RASSF1: variants seen among roughly 807,000 people sequenced by gnomAD.
RASSF1 encodes the protein ras association domain-containing protein 1.
Under a neutral mutation model 34.3 loss-of-function variants are expected in RASSF1, and 33 were observed. The observed-to-expected ratio is 0.96, with a 90% confidence interval of 0.73 to 1.29. The LOEUF is 1.29. RASSF1 is among the 50% of genes most tolerant of loss of function. RASSF1 has a pLI of 0.00. For missense variants in RASSF1, 445 were observed against 471.8 expected (o/e 0.94, Z 0.53); for synonymous variants, 191 against 195.0 (o/e 0.98, Z 0.17).
intron 2 of RASSF1, among the ~76,000 whole-genome samples, chr3:50,335,359 C>T (rs1447886558): frequency 6.9e-6 from 1 of 145,930 alleles, no homozygotes; most frequent in Non-Finnish European, 1.5e-5. Flanking sequence ...CTCTCTCATC[C>T]AGGCTGGAAT....
At chr3:50,331,951 C>T (rs1005946862) in intron 3 of RASSF1, 95 bp from the exon 4 acceptor site, 22 of 1,554,352 alleles carry the variant, frequency 1.4e-5, no homozygotes, top group Admixed American at 3.5e-5. Flanking sequence ...TTACTGCTTG[C>T]GCCCACCCAA....
At chr3:50,337,175 G>A in intron 2 of RASSF1, 1 of 1,610,078 alleles carries the variant, frequency 6.2e-7, no homozygotes, top group East Asian at 2.2e-5. Context: ...GCTCCCACCT[G>A]GTCCCGGCGC....
At chr3:50,336,806 G>A (rs1703153651) in intron 2 of RASSF1, 1 of 248,432 alleles carries the variant, frequency 4.0e-6, no homozygotes, top group African/African-American at 2.3e-5. Flanking sequence ...TCCTCCCCTA[G>A]TCTCCCCAAG....
In RASSF1 at chr3:50,338,537, T is replaced by C. The variant is rs587621338; in HGVS notation, c.251-526A>G. 2.6e-3 allele frequency among the ~76,000 whole-genome samples: 399 copies of C among 152,244 alleles called. 2 individuals carry two copies. The highest frequency in any genetic ancestry group is 9.2e-3 in the African/African-American group (383 of 41,544). On this transcript the variant is annotated intron_variant, in intron 1 of 5. Transcript: ENST00000359365. ...TCAGGTGATCCACCCGCCTCGGCCTTCCAAAGTGCTGGGACTACAGGCTTG... is the reference window on the plus strand; with the variant it reads ...TCAGGTGATCCACCCGCCTCGGCCTCCCAAAGTGCTGGGACTACAGGCTTG...
chr3:50,337,064 G>T, intron 2 of RASSF1: 1 of 1,351,576 alleles, frequency 7.4e-7, no homozygotes, highest in Non-Finnish European at 9.7e-7. Flanking sequence ...GAGCCACGTA[G>T]CCAGGAGGGT....
At chr3:50,340,073 T>G (rs1259459094) in intron 1 of RASSF1, among the ~76,000 whole-genome samples, 1 of 152,170 alleles carries the variant, frequency 6.6e-6, no homozygotes, top group African/African-American at 2.4e-5. Context: ...TCTGATTCAC[T>G]GGGTCAGAAA....
At chr3:50,338,293 A>C in intron 1 of RASSF1, 4 of 1,056,154 alleles carry the variant, frequency 3.8e-6, no homozygotes, top group East Asian at 4.3e-5. Flanking sequence ...AAAAACAACA[A>C]CAAAAAACTG....
chr3:50,338,065 C>G (rs1703230218), intron 1 of RASSF1, 54 bp from the exon 2 acceptor site: 9 of 1,540,132 alleles, frequency 5.8e-6, no homozygotes, highest in African/African-American at 4.1e-5. Context: ...GGAAATGTCC[C>G]GGAGATTGAA....
chr3:50,331,937 C>T (rs1702961120), intron 3 of RASSF1, 81 bp from the exon 4 acceptor site: 1 of 1,556,376 alleles, frequency 6.4e-7, no homozygotes, highest in Admixed American at 1.8e-5. Flanking sequence ...TGGGTATGCA[C>T]AAATTACTGC....
In RASSF1 at chr3:50,331,801, G is replaced by A. The variant is rs753247602; in HGVS notation, c.518C>T (p.Pro173Leu). Residue 173 changes from proline (P) to leucine (L), a missense_variant, in exon 4 of 6, where the codon CCT (proline) becomes CTT (leucine). Pro to Leu is a moderately conservative substitution (Grantham distance 98, BLOSUM62 -3). Transcript: ENST00000359365. ...CTTCTTGCTGGAGGGCACAGAGACA[G>A]GGCGCACCAGCTTCAGCTGAACCTT... ...FIKVQLKLVR[P>L]VSVPSSKKPP... 6.3e-7 allele frequency: 1 copy of A among 1,596,758 alleles called. No individual in the cohort carries two copies. Among genetic ancestry groups the A allele is most frequent in the Admixed American group, 1.7e-5 (1 of 59,078 alleles).
rs1201647345 is a variant in RASSF1, at chr3:50,340,566, C to G, written c.240G>C (p.Leu80=). ...GGGGCCACTACTCACGCGCGCACTG[C>G]AGGCCTTTGCGCACGACGCCCCAGA... ...DFIWGVVRKG[L]QCAHCKFTCH... The change falls in exon 1 of 6, where the codon CTG becomes CTC. Residue 80 remains leucine, a synonymous_variant. Transcript: ENST00000359365. 1 of 1,540,794 alleles carries G rather than the reference C, an allele frequency of 6.5e-7. No homozygotes were observed. The highest frequency in any genetic ancestry group is 8.7e-7 in the Non-Finnish European group (1 of 1,154,918).
At position 50,330,563 on chromosome 3, in the gene RASSF1, A is replaced by T; in HGVS notation, c.*18T>A. 6.2e-7 allele frequency: 1 copy of T among 1,613,338 alleles called. No individual in the cohort carries two copies. Among genetic ancestry groups the T allele is most frequent in the South Asian group, 1.1e-5 (1 of 91,054 alleles). ...TGGCGCTGCCTGCTGTCTGCCTTCC[A>T]CCTGGGGGTACAAGAGGTCACCCAA... On this transcript the variant is annotated 3_prime_UTR_variant, in exon 6 of 6. Coordinates refer to ENST00000359365, the MANE Select transcript of RASSF1 (RefSeq NM_007182.5). This position sits in a 1 kb window ranked among gnomAD's most constrained non-coding sequence, Gnocchi z 4.5.
Position 50,340,610 on chromosome 3 carries a change from C to T in RASSF1, c.196G>A (p.Asp66Asn). The T allele has an allele frequency of 1.3e-6, 2 of 1,542,334 alleles. No individual in the cohort carries two copies. The highest frequency in any genetic ancestry group is 1.7e-6 in the Non-Finnish European group (2 of 1,154,392). The stretch of plus-strand genomic sequence containing the variant: ...CCCCAGATGAAGTCGCCACAGAGGT[C>T]GCACCACGTGTGCGTGGCGGGCCCC... ...PAGPATHTWC[D>N]LCGDFIWGVV... The change falls in exon 1 of 6, where the codon GAC becomes AAC. Residue 66 changes from aspartate to asparagine, a missense_variant. Transcript: ENST00000359365.
rs1046731070 is a variant in RASSF1 at position 50,337,962 on chromosome 3, G to A, written c.300C>T (p.Asp100=). Residue 100 remains aspartate (D), a synonymous_variant, in exon 2 of 6, where the codon GAC becomes GAT. Coordinates refer to ENST00000359365, the MANE Select transcript of RASSF1 (RefSeq NM_007182.5). ...HYRCRALVCL[D]CCGPRDLGWE... ...AGCCCAGGTCCCGGGGCCCGCAACA[G>A]TCCAGGCAGACGAGCGCGCGGCAGC... is the stretch of plus-strand genomic sequence containing the variant. 2.5e-6 allele frequency: 4 copies of A among 1,610,984 alleles called. No individual in the cohort carries two copies. Among genetic ancestry groups the A allele is most frequent in the Non-Finnish European group, 2.5e-6 (3 of 1,178,834 alleles).
rs375827524 is a variant in RASSF1, at chr3:50,331,577, C to T, written c.742G>A (p.Ala248Thr). The change falls in exon 4 of 6, where the codon GCT becomes ACT. Residue 248 changes from alanine to threonine, a missense_variant. Transcript: ENST00000359365. ...AGCCCACCTTGGCCGTGACGCTCAG[C>T]GCGCTCAAAGAGTGCAAACTTGCGG... ...DPRKFALFER[A>T]ERHGQVYLRK... 21 of 1,594,078 alleles carry T rather than the reference C, an allele frequency of 1.3e-5. No individual in the cohort carries two copies. In the Middle Eastern group the frequency reaches 5.0e-4, roughly 38 times the overall value.
At chr3:50,338,177 C>A (rs1703234232) in intron 1 of RASSF1, 166 bp from the exon 2 acceptor site, 14 of 1,417,018 alleles carry the variant, frequency 9.9e-6, no homozygotes, top group Non-Finnish European at 1.1e-5. Context: ...TGTTGGCCAC[C>A]TGGGCGTCTG....
chr3:50,331,256 C>T (rs1335634792), intron 5 of RASSF1, 78 bp downstream of exon 5: 4 of 1,146,600 alleles, frequency 3.5e-6, no homozygotes, highest in Admixed American at 5.5e-5. Flanking sequence ...AGCACAATTC[C>T]TCCTCCAAGC....
intron 2 of RASSF1, among the ~76,000 whole-genome samples, chr3:50,335,474 G>A (rs1268962473): frequency 2.0e-5 from 3 of 151,946 alleles, no homozygotes; most frequent in African/African-American, 7.3e-5. Flanking sequence ...ACACCACCAT[G>A]GCCAGATAAT....
rs773246453 is a variant in RASSF1, at chr3:50,340,537, G to T, written c.250+19C>A. ...GGCTGCCCCTTCCGCTCTCGTAGGCGCGCGGGGCCACTACTCACGCGCGCA... is the reference window on the plus strand; with the variant it reads ...GGCTGCCCCTTCCGCTCTCGTAGGCTCGCGGGGCCACTACTCACGCGCGCA... On this transcript the variant is annotated intron_variant, in intron 1 of 5. Transcript: ENST00000359365. The T allele has an allele frequency of 2.7e-6, 4 of 1,469,346 alleles. No homozygotes were observed. Among genetic ancestry groups the T allele is most frequent in the Non-Finnish European group, 2.7e-6 (3 of 1,119,072 alleles). 91.0% of individuals were successfully genotyped at this position (1,469,346 alleles called of 1,614,324 possible).
Sources: gnomAD v4.1 joint callset for allele counts (sites outside exome capture counted in the v4.1 genomes callset) on GRCh38, gnomAD v4.1.1 for gene constraint, Gnocchi (gnomAD v3.1) non-coding constraint, MANE v1.5 for transcripts, NCBI Gene and HGNC (gene_info 2026-07-23, HGNC 2026-07-21) for gene names.